Variants in ACOXL observed in about 807,000 individuals in gnomAD.
The protein encoded by ACOXL is acyl-CoA oxidase like, also known as acyl-coenzyme A oxidase-like protein.
A neutral mutation model predicts 71.9 loss-of-function variants in ACOXL; 70 were observed. The ratio of observed to expected loss-of-function variants is 0.97; its 90% CI spans 0.80 to 1.19. The LOEUF (loss-of-function observed/expected upper bound fraction) is 1.19. Among genes scored for constraint, ACOXL ranks in the 50% most tolerant of loss-of-function variants. The pLI, the probability that ACOXL is intolerant of heterozygous loss-of-function variation, is 0.00. For missense variants in ACOXL, 703 were observed against 736.3 expected (o/e 0.95, Z 0.52); for synonymous variants, 253 against 281.6 (o/e 0.90, Z 1.02).
Position 110,840,937 on chromosome 2 carries a change from G to C in ACOXL, c.754-434G>C, listed in dbSNP as rs993242664. On this transcript the variant is annotated intron_variant, in intron 9 of 17. Transcript: ENST00000439055. The stretch of plus-strand genomic sequence containing the variant: ...GGTGCTCCTAGGGTAGGAGATAGAG[G>C]GGGGACCAGCTCCCAGGATCCCACC... 4.1e-4 allele frequency among the ~76,000 whole-genome samples: 62 copies of C among 152,150 alleles called. 1 individual carries two copies. Among genetic ancestry groups the C allele is most frequent in the African/African-American group, 1.4e-3 (59 of 41,420 alleles).
At chr2:111,105,492 C>T (rs2069476635) in intron 17 of ACOXL, among the ~76,000 whole-genome samples, 1 of 152,070 alleles carries the variant, frequency 6.6e-6, no homozygotes, top group Non-Finnish European at 1.5e-5. Context: ...TAGAGATCTA[C>T]ACTGATTTAT....
chr2:110,853,473 G>A (rs1692864267), intron 10 of ACOXL, among the ~76,000 whole-genome samples: 1 of 152,136 alleles, frequency 6.6e-6, no homozygotes, highest in East Asian at 1.9e-4. Context: ...TGATTAAAAG[G>A]CTCACATGCA....
chr2:110,958,784 G>C (rs2061596044), intron 12 of ACOXL, among the ~76,000 whole-genome samples: 1 of 152,186 alleles, frequency 6.6e-6, no homozygotes, highest in Admixed American at 6.5e-5. Flanking sequence ...GAGGACCCTG[G>C]GCATCCTGGG....
At chr2:110,821,285 C>CT (rs113682220) in intron 9 of ACOXL, among the ~76,000 whole-genome samples, 4,510 of 151,352 alleles carry the variant, frequency 0.03, 139 homozygotes, top group African/African-American at 0.076. Context: ...CTCTCTCTCT[C>CT]TTTTTTTTTA....
chr2:110,962,551 C>T (rs2061740411), intron 12 of ACOXL, among the ~76,000 whole-genome samples: 1 of 152,154 alleles, frequency 6.6e-6, no homozygotes, highest in African/African-American at 2.4e-5. Flanking sequence ...GGTGGTTCTC[C>T]CCACAGGAGC....
intron 15 of ACOXL, among the ~76,000 whole-genome samples, chr2:111,037,825 C>T (rs531748237): frequency 5.9e-5 from 9 of 152,304 alleles, no homozygotes; most frequent in African/African-American, 1.7e-4. Context: ...CCACCGCACT[C>T]TTTAAGAGGT....
chr2:111,067,413 A>G (rs2067126177), intron 16 of ACOXL, among the ~76,000 whole-genome samples: 1 of 152,224 alleles, frequency 6.6e-6, no homozygotes, highest in South Asian at 2.1e-4. Flanking sequence ...TGAAAAAAAT[A>G]AATATGAAAA....
intron 10 of ACOXL, among the ~76,000 whole-genome samples, chr2:110,864,267 C>T (rs1044262990): frequency 7.2e-5 from 11 of 152,118 alleles, no homozygotes; most frequent in African/African-American, 2.2e-4. Flanking sequence ...TGCTGAATGA[C>T]GTTCTGTAGA....
chr2:111,050,783 T>A (rs1222836929), intron 16 of ACOXL, among the ~76,000 whole-genome samples: 1 of 152,196 alleles, frequency 6.6e-6, no homozygotes, highest in Non-Finnish European at 1.5e-5. Flanking sequence ...GTGGTCCTCA[T>A]GGCCTCCCCG....
intron 2 of ACOXL, among the ~76,000 whole-genome samples, chr2:110,776,988 A>C (rs1200187250): frequency 6.6e-6 from 1 of 151,896 alleles, no homozygotes; most frequent in Non-Finnish European, 1.5e-5. Flanking sequence ...ACAGACACTG[A>C]TACATGGAAG....
intron 10 of ACOXL, among the ~76,000 whole-genome samples, chr2:110,882,589 G>T (rs991448752): frequency 1.3e-5 from 2 of 151,968 alleles, no homozygotes; most frequent in African/African-American, 2.4e-5. Context: ...TTATTTTCTA[G>T]AATTTATATA....
At position 111,019,421 on chromosome 2, in the gene ACOXL, A is replaced by G. The variant is rs558817566; in HGVS notation, c.1282-12206A>G. On this transcript the variant is annotated intron_variant, in intron 14 of 17. Transcript: ENST00000439055. ...ATGGATCATCCAACAATCATTTTCT[A>G]TTCCGAAAGGCTCGGTAATGAAAAC... Among the ~76,000 whole-genome samples the G allele has an allele frequency of 2.0e-5, 3 of 152,356 alleles. No individual in the cohort carries two copies. In the East Asian group the frequency reaches 5.8e-4, roughly 29 times the overall value.
intron 1 of ACOXL, among the ~76,000 whole-genome samples, chr2:110,742,419 C>T (rs1677659285): frequency 6.6e-6 from 1 of 152,116 alleles, no homozygotes; most frequent in Non-Finnish European, 1.5e-5. Flanking sequence ...CCTTCTTGTT[C>T]TTCTTTCCTT....
At chr2:110,881,561 T>A (rs1055759181) in intron 10 of ACOXL, among the ~76,000 whole-genome samples, 4 of 152,164 alleles carry the variant, frequency 2.6e-5, no homozygotes, top group Admixed American at 1.3e-4. Context: ...ATCGCCACAA[T>A]CAAAATAATC....
intron 17 of ACOXL, among the ~76,000 whole-genome samples, chr2:111,097,130 T>C (rs1055385421): frequency 1.3e-5 from 2 of 152,244 alleles, no homozygotes; most frequent in South Asian, 4.1e-4. Flanking sequence ...GTTCCCATTT[T>C]CCTATAAATT....
chr2:110,989,002 T>C (rs2063061031), intron 13 of ACOXL, among the ~76,000 whole-genome samples: 1 of 152,150 alleles, frequency 6.6e-6, no homozygotes, highest in Non-Finnish European at 1.5e-5. Flanking sequence ...TCGTGTGTTT[T>C]GATTGAGATA....
chr2:111,016,089 C>T (rs189354069), intron 14 of ACOXL, among the ~76,000 whole-genome samples: 7 of 140,310 alleles, frequency 5.0e-5, no homozygotes, highest in South Asian at 2.5e-4. Flanking sequence ...TGTCCCACCA[C>T]GCCTGGCTAA....
chr2:111,004,360 G>A (rs1342522401), intron 14 of ACOXL, among the ~76,000 whole-genome samples: 1 of 152,130 alleles, frequency 6.6e-6, no homozygotes, highest in Non-Finnish European at 1.5e-5. Context: ...CCTTACCCGG[G>A]AGCAAGTGAG....
At chr2:110,996,915 G>T (rs539852368) in intron 14 of ACOXL, among the ~76,000 whole-genome samples, 1 of 152,218 alleles carries the variant, frequency 6.6e-6, no homozygotes, top group Non-Finnish European at 1.5e-5. Flanking sequence ...CACACTGGAT[G>T]AGAACCTGCA....
Sources: gnomAD v4.1 joint callset for allele counts (sites outside exome capture counted in the v4.1 genomes callset) on GRCh38, gnomAD v4.1.1 for gene constraint, MANE v1.5 for transcripts, NCBI Gene and HGNC (gene_info 2026-07-23, HGNC 2026-07-21) for gene names.